GRID2: variants seen among roughly 807,000 people sequenced by gnomAD.
GRID2 encodes the protein glutamate ionotropic receptor delta type subunit 2, also known as glutamate receptor ionotropic, delta-2.
GRID2 carries 33 observed loss-of-function variants against 114.8 expected under a neutral mutation model. That is an observed-to-expected ratio of 0.29 (90% confidence interval 0.22 to 0.38). The LOEUF (loss-of-function observed/expected upper bound fraction) is 0.38, where lower values mean the gene tolerates loss of function less well. Ranked by LOEUF, GRID2 falls within the 10% of genes least tolerant of loss-of-function variation. The pLI is 1.00. For missense variants in GRID2, 1,184 were observed against 1,257.7 expected, an observed-to-expected ratio of 0.94 and a Z score of 0.89; for synonymous variants, 505 against 449.9, an observed-to-expected ratio of 1.12 and a Z score of -1.55.
At chr4:92,564,847 A>G (rs1372385126) in intron 1 of GRID2, among the ~76,000 whole-genome samples, 3 of 152,016 alleles carry the variant, frequency 2.0e-5, no homozygotes, top group Admixed American at 2.0e-4. Context: ...TACAAGGCCA[A>G]ATATATTTTT....
chr4:92,988,814 T>C (rs2149199632), intron 2 of GRID2, among the ~76,000 whole-genome samples: 1 of 152,136 alleles, frequency 6.6e-6, no homozygotes, highest in South Asian at 2.1e-4. Flanking sequence ...AAGGAAAACA[T>C]GTGGTGTGTT....
At chr4:92,574,173 C>T (rs190028063) in intron 1 of GRID2, among the ~76,000 whole-genome samples, 217 of 151,934 alleles carry the variant, frequency 1.4e-3, no homozygotes, top group African/African-American at 4.8e-3. Flanking sequence ...TTTCCTCCAA[C>T]GCCTATGTGT....
At chr4:93,574,884 A>C (rs945966606) in intron 13 of GRID2, among the ~76,000 whole-genome samples, 1 of 152,206 alleles carries the variant, frequency 6.6e-6, no homozygotes, top group Non-Finnish European at 1.5e-5. Flanking sequence ...TCAACTCTAT[A>C]AAGTCTAGGA....
At chr4:92,517,914 A>C (rs958690446) in intron 1 of GRID2, among the ~76,000 whole-genome samples, 1 of 151,902 alleles carries the variant, frequency 6.6e-6, no homozygotes, top group Admixed American at 6.6e-5. Context: ...CAAACAAACA[A>C]ACAAAAAACC....
At chr4:93,236,529 A>T (rs1342263367) in intron 7 of GRID2, among the ~76,000 whole-genome samples, 1 of 152,000 alleles carries the variant, frequency 6.6e-6, no homozygotes, top group Admixed American at 6.6e-5. Flanking sequence ...TCCTGGGTTT[A>T]TTTACTACAG....
At chr4:92,655,042 T>A (rs937575775) in intron 2 of GRID2, among the ~76,000 whole-genome samples, 1 of 152,016 alleles carries the variant, frequency 6.6e-6, no homozygotes, top group Non-Finnish European at 1.5e-5. Context: ...TTGGAAGTCT[T>A]TAACCCATCT....
intron 2 of GRID2, among the ~76,000 whole-genome samples, chr4:92,974,855 C>CA (rs1235523738): frequency 2.0e-5 from 3 of 151,536 alleles, no homozygotes; most frequent in South Asian, 2.1e-4. Flanking sequence ...AAACAAACAA[C>CA]AAAAAAAGTG....
At chr4:93,764,464 T>G (rs1489239687) in intron 14 of GRID2, among the ~76,000 whole-genome samples, 1 of 152,156 alleles carries the variant, frequency 6.6e-6, no homozygotes, top group African/African-American at 2.4e-5. Context: ...AGAACAATAG[T>G]GATACATGTG....
At chr4:92,827,767 ACTTTC>A (rs887398351) in intron 2 of GRID2, among the ~76,000 whole-genome samples, 27 of 152,104 alleles carry the variant, frequency 1.8e-4, no homozygotes, top group African/African-American at 5.8e-4. Flanking sequence ...GGATATAAGC[ACTTTC>A]CTTTTAGCTA....
chr4:93,624,315 T>C (rs562214516), intron 13 of GRID2, among the ~76,000 whole-genome samples: 13 of 152,152 alleles, frequency 8.5e-5, no homozygotes, highest in Non-Finnish European at 1.8e-4. Flanking sequence ...TCCTAATAGA[T>C]TGCAATCATA....
At chr4:92,869,632 C>G (rs1745131562) in intron 2 of GRID2, among the ~76,000 whole-genome samples, 1 of 152,162 alleles carries the variant, frequency 6.6e-6, no homozygotes, top group Non-Finnish European at 1.5e-5. Flanking sequence ...CCGACATTAT[C>G]CCAGCTGAAA....
chr4:92,671,046 T>G (rs1733037024), intron 2 of GRID2, among the ~76,000 whole-genome samples: 1 of 152,258 alleles, frequency 6.6e-6, no homozygotes, highest in African/African-American at 2.4e-5. Flanking sequence ...TATAAAGAAC[T>G]ACCTGAGGCT....
intron 11 of GRID2, among the ~76,000 whole-genome samples, chr4:93,490,090 G>A (rs1481116055): frequency 6.6e-6 from 1 of 151,900 alleles, no homozygotes; most frequent in Non-Finnish European, 1.5e-5. Flanking sequence ...AGATGGAGAA[G>A]AGGATTCTGC....
intron 1 of GRID2, among the ~76,000 whole-genome samples, chr4:92,311,202 T>G (rs923091873): frequency 1.3e-5 from 2 of 152,068 alleles, no homozygotes; most frequent in African/African-American, 4.8e-5. Flanking sequence ...CCTTTAGAAT[T>G]TGCAAACTGG....
intron 2 of GRID2, among the ~76,000 whole-genome samples, chr4:92,992,146 A>C (rs1191954568): frequency 6.6e-6 from 1 of 152,178 alleles, no homozygotes; most frequent in Non-Finnish European, 1.5e-5. Flanking sequence ...CTGTAAGACC[A>C]TGTATCTTTA....
chr4:93,364,530 G>C (rs907188147), intron 8 of GRID2, among the ~76,000 whole-genome samples: 1 of 152,008 alleles, frequency 6.6e-6, no homozygotes, highest in Non-Finnish European at 1.5e-5. Context: ...AGAGTGCAGT[G>C]GTGTAATCAT....
intron 14 of GRID2, among the ~76,000 whole-genome samples, chr4:93,686,644 G>T (rs1435729864): frequency 2.6e-5 from 4 of 151,996 alleles, no homozygotes; most frequent in Non-Finnish European, 5.9e-5. Flanking sequence ...AGTTAGGACA[G>T]ATCTTTTTGA....
At chr4:93,361,064 C>T (rs533719614) in intron 8 of GRID2, among the ~76,000 whole-genome samples, 6,842 of 151,434 alleles carry the variant, frequency 0.045, 174 homozygotes, top group South Asian at 0.068. Context: ...CTTCTTTTTT[C>T]TTTTTTCATT....
intron 2 of GRID2, among the ~76,000 whole-genome samples, chr4:92,778,168 A>G (rs767311988): frequency 6.6e-6 from 1 of 152,012 alleles, no homozygotes; most frequent in Non-Finnish European, 1.5e-5. Flanking sequence ...TTATGTTCCC[A>G]TCTCAATGAG....
Sources: gnomAD v4.1 joint callset for allele counts (sites outside exome capture counted in the v4.1 genomes callset) on GRCh38, gnomAD v4.1.1 for gene constraint, MANE v1.5 for transcripts, NCBI Gene and HGNC (gene_info 2026-07-23, HGNC 2026-07-21) for gene names.